The following AFAP1L1 variants were observed in gnomAD, a reference collection of about 807,000 sequenced individuals.
AFAP1L1 encodes actin filament associated protein 1 like 1.
Under a neutral mutation model 99.8 loss-of-function variants are expected in AFAP1L1, and 77 were observed. That is an observed-to-expected ratio of 0.77 (90% CI 0.64 to 0.93). AFAP1L1 has a LOEUF of 0.93. Ranked by LOEUF, AFAP1L1 falls within the 40% of genes least tolerant of loss-of-function variation. AFAP1L1 has a pLI of 0.00. For synonymous variants in AFAP1L1, 373 were observed against 395.3 expected, an observed-to-expected ratio of 0.94 and a Z score of 0.67; for missense variants, 893 against 996.8, an observed-to-expected ratio of 0.90 and a Z score of 1.40.
At chr5:149,272,039 C>G (rs1010893371) in intron 1 of AFAP1L1, 55 bp downstream of exon 1, 29 of 1,228,518 alleles carry the variant, frequency 2.4e-5, no homozygotes, top group Non-Finnish European at 2.6e-5. Context: ...GAAAGGGAGA[C>G]TGGACGATCT....
chr5:149,278,595 C>T (rs1213271483), intron 1 of AFAP1L1, among the ~76,000 whole-genome samples: 1 of 152,220 alleles, frequency 6.6e-6, no homozygotes, highest in East Asian at 1.9e-4. Context: ...TATAGGTGCT[C>T]ATAGCCTCTA....
chr5:149,280,608 C>T (rs1167578895), intron 1 of AFAP1L1, among the ~76,000 whole-genome samples: 1 of 152,190 alleles, frequency 6.6e-6, no homozygotes, highest in African/African-American at 2.4e-5. Context: ...GTCTTTCACA[C>T]TTTTCAACTG....
At position 149,300,274 on chromosome 5, in the gene AFAP1L1, A is replaced by G; in HGVS notation, c.149A>G (p.Lys50Arg). The change falls in exon 3 of 19, where the codon AAG (lysine) becomes AGG (arginine). Residue 50 changes from lysine (K) to arginine (R), a missense_variant. Transcript: ENST00000296721. ...ATGTCCCCCTTCTTCCTCACAGCAA[A>G]GGAGGTCTCCTACCTGTATGTGAAC... ...ILQSLQPLPA[K>R]EVSYLYVNTA... The G allele has an allele frequency of 1.2e-6, 2 of 1,612,068 alleles. No homozygotes were observed. Among genetic ancestry groups the G allele is most frequent in the Non-Finnish European group, 1.7e-6 (2 of 1,178,990 alleles).
chr5:149,317,267 A>G (rs965685973), intron 11 of AFAP1L1, among the ~76,000 whole-genome samples: 2 of 152,218 alleles, frequency 1.3e-5, no homozygotes, highest in Non-Finnish European at 2.9e-5. Flanking sequence ...AATCTAAAAC[A>G]TTAAGAGGGA....
At chr5:149,296,277 G>A (rs1581305402) in intron 1 of AFAP1L1, among the ~76,000 whole-genome samples, 1 of 152,096 alleles carries the variant, frequency 6.6e-6, no homozygotes, top group Non-Finnish European at 1.5e-5. Flanking sequence ...CAAGTGATTC[G>A]CCCACCTCAG....
chr5:149,315,245 A>G (rs1265170421), intron 9 of AFAP1L1, among the ~76,000 whole-genome samples: 1 of 152,044 alleles, frequency 6.6e-6, no homozygotes, highest in East Asian at 1.9e-4. Context: ...TCCCCTTCCC[A>G]TCCTCTCCTC....
chr5:149,306,903 G>A (rs1456572199), intron 6 of AFAP1L1, among the ~76,000 whole-genome samples: 1 of 152,142 alleles, frequency 6.6e-6, no homozygotes, highest in Non-Finnish European at 1.5e-5. Flanking sequence ...TCTGAGAAGG[G>A]AAGTAACCAA....
chr5:149,275,808 CTCT>C (rs897930420), intron 1 of AFAP1L1, among the ~76,000 whole-genome samples: 5 of 152,240 alleles, frequency 3.3e-5, no homozygotes, highest in South Asian at 2.1e-4. Context: ...GCCCGGCCGT[CTCT>C]TCTTCTTCTA....
rs948868356 is a variant in AFAP1L1 at position 149,282,844 on chromosome 5, C to T, written c.16+10860C>T. ...AATGAAGCACTGTCCTTAAACCATA[C>T]GAGAGTGTGTATTCAAGAGTAGTGT... On this transcript the variant is annotated intron_variant, in intron 1 of 18. Transcript: ENST00000296721. Among the ~76,000 whole-genome samples the T allele has an allele frequency of 1.2e-4, 18 of 152,254 alleles. No homozygotes were observed. The South Asian group carries it at 1.7e-3, about 14-fold the overall frequency.
In AFAP1L1 at chr5:149,332,869, G is replaced by C. The variant is rs1757297533; in HGVS notation, c.2150G>C (p.Ser717Thr). ...LGLSVSSKPK[S>T]GETANKPQNS... ...CTCTCCGTGAGCAGCAAGCCCAAGA[G>C]TGGGGTGAGTCCAGGCCCTTCCATG... is the stretch of plus-strand genomic sequence containing the variant. Residue 717 changes from serine (S) to threonine (T), a missense_variant, in exon 17 of 19, where the codon AGT becomes ACT. Ser to Thr is a moderately conservative substitution (Grantham distance 58). Transcript: ENST00000296721. 6.3e-7 allele frequency: 1 copy of C among 1,590,456 alleles called. No homozygotes were observed. Among genetic ancestry groups the C allele is most frequent in the Admixed American group, 1.8e-5 (1 of 55,072 alleles).
chr5:149,279,465 G>T (rs1321238344), intron 1 of AFAP1L1, among the ~76,000 whole-genome samples: 1 of 151,148 alleles, frequency 6.6e-6, no homozygotes, highest in Non-Finnish European at 1.5e-5. Flanking sequence ...TTCTAGGAGT[G>T]TATGTTTCAA....
chr5:149,325,041 G>A (rs1038674311), intron 15 of AFAP1L1, among the ~76,000 whole-genome samples: 2 of 152,202 alleles, frequency 1.3e-5, no homozygotes, highest in African/African-American at 4.8e-5. Flanking sequence ...TGGAGGCCAA[G>A]TAGATGATTG....
chr5:149,272,142 G>A (rs1755135501), intron 1 of AFAP1L1, among the ~76,000 whole-genome samples, 158 bp downstream of exon 1: 1 of 152,096 alleles, frequency 6.6e-6, no homozygotes, highest in Non-Finnish European at 1.5e-5. Context: ...TTATGCAAAG[G>A]TGCCTTCGGC....
In AFAP1L1 at chr5:149,332,734, T is replaced by C; in HGVS notation, c.2015T>C (p.Leu672Pro). The change falls in exon 17 of 19, where the codon CTG becomes CCG. Residue 672 changes from leucine (L) to proline (P), a missense_variant. Transcript: ENST00000296721. ...GCTCTGGAAGAAGCCGTGGCCACCC[T>C]GGAAGCTCAGTGTCGGGCAAAGGAG... ...LKALEEAVAT[L>P]EAQCRAKEER... 1 of 1,613,904 alleles carries C rather than the reference T, an allele frequency of 6.2e-7. No homozygotes were observed. The highest frequency in any genetic ancestry group is 8.5e-7 in the Non-Finnish European group (1 of 1,180,016).
At position 149,340,295 on chromosome 5, in the gene AFAP1L1, G is replaced by A. The variant is rs949320120; in HGVS notation, c.*265G>A. Reference sequence around the variant, plus strand: ...GAGGGATACAGAAGTCTGCACAGCTGTAAAGGTTTTATAGATGTCTTTGCC... The same window carrying A: ...GAGGGATACAGAAGTCTGCACAGCTATAAAGGTTTTATAGATGTCTTTGCC... On this transcript the variant is annotated 3_prime_UTR_variant, in exon 19 of 19. Coordinates refer to ENST00000296721, the MANE Select transcript of AFAP1L1 (RefSeq NM_152406.4). The A allele has an allele frequency of 2.1e-5, 9 of 419,132 alleles. No homozygotes were observed. The highest frequency in any genetic ancestry group is 2.1e-4 in the East Asian group (6 of 28,326). The allele number at this position is 419,132 out of a possible 1,614,324, so 26.0% of individuals were successfully genotyped here.
chr5:149,276,386 T>C (rs909313745), intron 1 of AFAP1L1, among the ~76,000 whole-genome samples: 1 of 152,212 alleles, frequency 6.6e-6, no homozygotes, highest in African/African-American at 2.4e-5. Flanking sequence ...TATATCATAA[T>C]GGCAATCCTT....
chr5:149,320,308 C>T lies in AFAP1L1; in HGVS notation c.1626-83C>T. 7.4e-7 allele frequency: 1 copy of T among 1,348,532 alleles called. No homozygotes were observed. The highest frequency in any genetic ancestry group is 1.2e-5 in the South Asian group (1 of 83,762). The allele number at this position is 1,348,532 out of a possible 1,614,324, so 83.5% of individuals were successfully genotyped here. A position where few individuals can be genotyped will look rare whatever the true frequency, so the allele number is the denominator to read the frequency against. Reference sequence around the variant, plus strand: ...CTGCCTTAAGAGTTTCTGCCAGAATCAATGAGAGTGAGGACACGAAAGCAC... The same window carrying T: ...CTGCCTTAAGAGTTTCTGCCAGAATTAATGAGAGTGAGGACACGAAAGCAC... On this transcript the variant is annotated intron_variant, in intron 13 of 18. Transcript: ENST00000296721. This position sits in a 1 kb window ranked among gnomAD's most constrained non-coding sequence, Gnocchi z 4.0.
intron 1 of AFAP1L1, among the ~76,000 whole-genome samples, chr5:149,289,690 C>A (rs772618155): frequency 6.6e-6 from 1 of 152,218 alleles, no homozygotes; most frequent in African/African-American, 2.4e-5. Context: ...GGTAGATTTG[C>A]AACAACTTGG....
At chr5:149,305,238 A>G (rs886895596) in intron 5 of AFAP1L1, among the ~76,000 whole-genome samples, 9 of 152,374 alleles carry the variant, frequency 5.9e-5, no homozygotes, top group Non-Finnish European at 1.0e-4. Flanking sequence ...AGAATCTGAA[A>G]TACAGAGAGG....
Sources: allele counts gnomAD v4.1 joint callset (sites outside exome capture counted in the v4.1 genomes callset), GRCh38; gene constraint gnomAD v4.1.1; non-coding constraint Gnocchi (gnomAD v3.1); transcripts MANE v1.5; gene names NCBI Gene and HGNC (gene_info 2026-07-23, HGNC 2026-07-21).